CERT1: variants seen among roughly 807,000 people sequenced by gnomAD.
CERT1 encodes the protein ceramide transporter 1, also known as ceramide transfer protein.
A neutral mutation model predicts 87.9 loss-of-function variants in CERT1; 31 were observed. The ratio of observed to expected loss-of-function variants is 0.35; its 90% CI spans 0.27 to 0.48. The LOEUF (loss-of-function observed/expected upper bound fraction) is 0.48. Among genes scored for constraint, CERT1 ranks in the 20% least tolerant of loss-of-function variants. The pLI is 0.99. For missense variants in CERT1, 487 were observed against 758.0 expected (o/e 0.64, Z 4.20); for synonymous variants, 289 against 250.9 (o/e 1.15, Z -1.44).
intron 3 of CERT1, among the ~76,000 whole-genome samples, chr5:75,431,201 T>C (rs942226401): frequency 5.3e-5 from 8 of 152,156 alleles, no homozygotes; most frequent in Non-Finnish European, 1.0e-4. Context: ...TTTTTGTCCC[T>C]AGCCCTCCTC....
intron 11 of CERT1, 152 bp downstream of exon 11, chr5:75,399,158 T>C: frequency 3.3e-6 from 2 of 610,480 alleles, no homozygotes; most frequent in Non-Finnish European, 3.0e-6. Context: ...AACTATTTAG[T>C]AGACAAGGAA....
intron 15 of CERT1, 110 bp downstream of exon 15, chr5:75,381,839 A>G (rs1761599151): frequency 1.0e-6 from 1 of 999,036 alleles, no homozygotes; most frequent in East Asian, 2.6e-5. Context: ...AAATCTAAGA[A>G]CCATTATCAA....
rs1762664958 is a variant in CERT1 at position 75,405,496 on chromosome 5, T to C, written c.931-2438A>G. The stretch of plus-strand genomic sequence containing the variant: ...GTATCTAATATAGAAGACTTCCTCA[T>C]ATGACTCACCTCAATTGCAACGTGT... On this transcript the variant is annotated intron_variant, in intron 8 of 16. Coordinates refer to ENST00000643780, the MANE Select transcript of CERT1 (RefSeq NM_001379029.1). 5.3e-5 allele frequency among the ~76,000 whole-genome samples: 8 copies of C among 152,288 alleles called. No individual in the cohort carries two copies. In the South Asian group the frequency reaches 1.7e-3, roughly 32 times the overall value.
intron 7 of CERT1, among the ~76,000 whole-genome samples, chr5:75,413,468 G>T (rs925807351): frequency 6.6e-6 from 1 of 152,194 alleles, no homozygotes; most frequent in Non-Finnish European, 1.5e-5. Flanking sequence ...ACTAAGCCAG[G>T]TGCAGTGGCA....
intron 3 of CERT1, among the ~76,000 whole-genome samples, chr5:75,444,811 C>T (rs1764472173): frequency 6.6e-6 from 1 of 152,120 alleles, no homozygotes; most frequent in South Asian, 2.1e-4. Context: ...TCCTAAAGTG[C>T]TGGGATTACA....
chr5:75,486,491 T>C (rs986702754), intron 2 of CERT1, among the ~76,000 whole-genome samples: 5 of 151,994 alleles, frequency 3.3e-5, no homozygotes, highest in African/African-American at 1.2e-4. Flanking sequence ...AAGTCCCAGC[T>C]AGAGCAATTG....
downstream of CERT1, chr5:75,373,557 G>A (rs2111953009): frequency 6.6e-6 from 1 of 152,254 alleles, no homozygotes; most frequent in African/African-American, 2.4e-5. Flanking sequence ...TTCTTCATGG[G>A]AGTAAGACTA....
At position 75,425,462 on chromosome 5, in the gene CERT1, T is replaced by C. The variant is rs1763573954; in HGVS notation, c.494A>G (p.Glu165Gly). Residue 165 changes from glutamate to glycine, a missense_variant, in exon 5 of 17, where the codon GAA becomes GGA. Transcript: ENST00000643780. Reference protein sequence around the residue: ...HSLREKLAEMETFRDILCRQV... With the variant: ...HSLREKLAEMGTFRDILCRQV... Reference sequence around the variant, plus strand: ...TCTACATAAGATGTCTCTAAATGTTTCCATTTCAGCCAACTTCTCACGTAA... The same window carrying C: ...TCTACATAAGATGTCTCTAAATGTTCCCATTTCAGCCAACTTCTCACGTAA... 6.2e-7 allele frequency: 1 copy of C among 1,613,818 alleles called. No homozygotes were observed. Among genetic ancestry groups the C allele is most frequent in the East Asian group, 2.2e-5 (1 of 44,884 alleles).
At chr5:75,443,613 C>T (rs889166722) in intron 3 of CERT1, among the ~76,000 whole-genome samples, 2 of 152,108 alleles carry the variant, frequency 1.3e-5, no homozygotes, top group African/African-American at 4.8e-5. Flanking sequence ...TAGAAAATGT[C>T]CCATGTGTAC....
At chr5:75,423,587 A>T (rs1023931758) in intron 5 of CERT1, among the ~76,000 whole-genome samples, 4 of 152,164 alleles carry the variant, frequency 2.6e-5, no homozygotes, top group African/African-American at 7.2e-5. Flanking sequence ...CAAAAAATTT[A>T]AAAATTAACC....
At chr5:75,374,499 AAG>A, downstream of CERT1, 1 of 720,484 alleles carries the variant, frequency 1.4e-6, no homozygotes, top group South Asian at 1.4e-5. Context: ...TTGTGCCAAA[AAG>A]GGCCACAGCC....
chr5:75,432,476 ACT>A (rs1407018155), intron 3 of CERT1, among the ~76,000 whole-genome samples: 2 of 152,202 alleles, frequency 1.3e-5, no homozygotes, highest in African/African-American at 4.8e-5. Flanking sequence ...GATGTTGAAC[ACT>A]TTTTCACATG....
intron 3 of CERT1, among the ~76,000 whole-genome samples, chr5:75,458,593 C>T (rs1765097486): frequency 6.6e-6 from 1 of 151,732 alleles, no homozygotes; most frequent in Admixed American, 6.6e-5. Context: ...GCTCTGTTGC[C>T]CAGGCTGGAG....
At chr5:75,465,313 G>A (rs1014143950) in intron 2 of CERT1, among the ~76,000 whole-genome samples, 1 of 152,204 alleles carries the variant, frequency 6.6e-6, no homozygotes, top group Admixed American at 6.5e-5. Context: ...CTGACAGTAG[G>A]ATATCTGATA....
At chr5:75,398,984 T>C (rs1177137615) in intron 11 of CERT1, among the ~76,000 whole-genome samples, 2 of 152,208 alleles carry the variant, frequency 1.3e-5, no homozygotes, top group Non-Finnish European at 2.9e-5. Context: ...ACCACGTCCA[T>C]CAAAACTGCT....
chr5:75,481,170 T>C (rs928916267), intron 2 of CERT1, among the ~76,000 whole-genome samples: 2 of 152,226 alleles, frequency 1.3e-5, no homozygotes, highest in Non-Finnish European at 2.9e-5. Flanking sequence ...TCCAGTCGTA[T>C]TGGCCTTCTT....
chr5:75,413,257 G>C (rs182298182), intron 7 of CERT1, among the ~76,000 whole-genome samples: 1 of 152,298 alleles, frequency 6.6e-6, no homozygotes, highest in East Asian at 1.9e-4. Context: ...ATCACTGACG[G>C]AAATGTCGTT....
chr5:75,446,472 C>T (rs552517637), intron 3 of CERT1, among the ~76,000 whole-genome samples: 1 of 152,206 alleles, frequency 6.6e-6, no homozygotes, highest in South Asian at 2.1e-4. Context: ...AGTCTTTTGT[C>T]TAGTAGATCA....
Position 75,506,108 on chromosome 5 carries a change from G to A in CERT1, c.105C>T (p.Asn35=), listed in dbSNP as rs1340125121. The change falls in exon 2 of 17, where the codon AAC becomes AAT. Residue 35 remains asparagine (N), a synonymous_variant. Coordinates refer to ENST00000643780, the MANE Select transcript of CERT1 (RefSeq NM_001379029.1). The stretch of plus-strand genomic sequence containing the variant: ...AACGATCCTGCCACCCATGAATGTA[G>A]TTTGTCCACTGGGAGTGGGAAGGGG... ...ERCGVLSKWT[N]YIHGWQDRWV... is the part of the protein sequence containing the mutation. 2 of 1,613,068 alleles carry A rather than the reference G, an allele frequency of 1.2e-6. No individual in the cohort carries two copies. Among genetic ancestry groups the A allele is most frequent in the South Asian group, 2.2e-5 (2 of 91,004 alleles).
Sources: gnomAD v4.1 joint callset for allele counts (sites outside exome capture counted in the v4.1 genomes callset) on GRCh38, gnomAD v4.1.1 for gene constraint, MANE v1.5 for transcripts, NCBI Gene and HGNC (gene_info 2026-07-23, HGNC 2026-07-21) for gene names.